DHX57: variants seen among roughly 807,000 people sequenced by gnomAD.
The protein encoded by DHX57 is putative ATP-dependent RNA helicase DHX57.
Under a neutral mutation model 156.2 loss-of-function variants are expected in DHX57, and 105 were observed. The ratio of observed to expected loss-of-function variants is 0.67; its 90% confidence interval spans 0.57 to 0.79. DHX57 has a LOEUF of 0.79. DHX57 is among the 30% of genes least tolerant of loss of function. The probability of loss-of-function intolerance (pLI) is 0.00; values close to 1 mark genes in which losing one functional copy is unlikely to be tolerated. For synonymous variants in DHX57, 704 were observed against 595.6 expected, an observed-to-expected ratio of 1.18 and a Z score of -2.65; for missense variants, 1,847 against 1,661.9, an observed-to-expected ratio of 1.11 and a Z score of -1.94.
Position 38,823,065 on chromosome 2 carries a change from C to A in DHX57, c.3219G>T (p.Leu1073Phe), listed in dbSNP as rs1179029713. 1.2e-6 allele frequency: 2 copies of A among 1,614,036 alleles called. No homozygotes were observed. The highest frequency in any genetic ancestry group is 4.5e-5 in the East Asian group (2 of 44,894). The change falls in exon 17 of 24, where the codon TTG (leucine) becomes TTT (phenylalanine). Residue 1073 changes from leucine to phenylalanine, a missense_variant. Coordinates refer to ENST00000457308, the MANE Select transcript of DHX57 (RefSeq NM_198963.3). ...PVDVRIGKLM[L>F]FGSIFRCLDP... ...CCAAACAGCGGAAGATAGACCCAAACAACATTAGTTTGCCAATTCTCACAT... is the reference window on the plus strand; with the variant it reads ...CCAAACAGCGGAAGATAGACCCAAAAAACATTAGTTTGCCAATTCTCACAT...
chr2:38,831,165 C>G (rs1336611641), intron 13 of DHX57, among the ~76,000 whole-genome samples: 1 of 151,644 alleles, frequency 6.6e-6, no homozygotes, highest in Non-Finnish European at 1.5e-5. Flanking sequence ...ATGAAACATA[C>G]TATTATATAT....
chr2:38,827,964 C>T (rs532741339), intron 14 of DHX57, among the ~76,000 whole-genome samples: 44 of 152,232 alleles, frequency 2.9e-4, no homozygotes, highest in African/African-American at 1.0e-3. Context: ...TCAAGCTATT[C>T]TCCTGCCTCA....
chr2:38,846,042 T>G (rs1034199248), intron 11 of DHX57, among the ~76,000 whole-genome samples: 1 of 151,942 alleles, frequency 6.6e-6, no homozygotes, highest in African/African-American at 2.4e-5. Flanking sequence ...ACTTTTGTAT[T>G]CGTAGTAGAG....
At chr2:38,810,569 A>G (rs1670188092) in intron 21 of DHX57, 1 of 582,504 alleles carries the variant, frequency 1.7e-6, no homozygotes, top group Admixed American at 2.0e-5. Context: ...TCTCCACTGT[A>G]GAGAGACAGT....
At chr2:38,848,970 C>T (rs1389263529) in intron 9 of DHX57, among the ~76,000 whole-genome samples, 2 of 152,058 alleles carry the variant, frequency 1.3e-5, no homozygotes, top group South Asian at 4.2e-4. Flanking sequence ...CCAGGCAGTA[C>T]CAATCAAAAT....
intron 2 of DHX57, among the ~76,000 whole-genome samples, chr2:38,865,525 T>A (rs568502085): frequency 5.3e-5 from 8 of 152,326 alleles, no homozygotes; most frequent in African/African-American, 1.7e-4. Flanking sequence ...CTTGGGTATG[T>A]CCTTATAGCA....
Position 38,800,214 on chromosome 2 carries a change from C to A in DHX57, c.4018-1772G>T, listed in dbSNP as rs557839978. Among the ~76,000 whole-genome samples the A allele has an allele frequency of 1.3e-4, 19 of 148,048 alleles. No individual in the cohort carries two copies. The East Asian group carries it at 3.8e-3, about 29-fold the overall frequency. On this transcript the variant is annotated intron_variant, in intron 23 of 23. Transcript: ENST00000457308. ...AAAAAAAAAAAAAAAAATAGCCGGG[C>A]TTGGTGGTGTACGCCTGCAGTCCCA...
Position 38,826,547 on chromosome 2 carries a change from C to T in DHX57, c.2782G>A (p.Val928Ile), listed in dbSNP as rs750680865. ...TCTTTCATTTTCCCAGAATCGATAA[C>T]ATAGACAACATCATCGATGGTTATG... is the stretch of plus-strand genomic sequence containing the variant. ...TSITIDDVVY[V>I]IDSGKMKEKR... Residue 928 changes from valine (V) to isoleucine (I), a missense_variant, in exon 15 of 24, where the codon GTT (valine) becomes ATT (isoleucine). Transcript: ENST00000457308. The T allele has an allele frequency of 1.2e-6, 2 of 1,614,082 alleles. No individual in the cohort carries two copies. The highest frequency in any genetic ancestry group is 1.7e-5 in the Admixed American group (1 of 60,008).
chr2:38,871,518 A>G (rs1665351617), intron 1 of DHX57, among the ~76,000 whole-genome samples: 1 of 152,198 alleles, frequency 6.6e-6, no homozygotes, highest in Admixed American at 6.5e-5. Context: ...TTCTGCTATA[A>G]CAGAATGCCA....
chr2:38,839,430 G>A (rs1213070708), intron 12 of DHX57, among the ~76,000 whole-genome samples: 2 of 151,672 alleles, frequency 1.3e-5, no homozygotes, highest in Non-Finnish European at 2.9e-5. Flanking sequence ...AAGCAGTTTC[G>A]GCTGGGCGCG....
intron 20 of DHX57, among the ~76,000 whole-genome samples, chr2:38,814,752 C>T (rs950004123): frequency 1.3e-5 from 2 of 150,798 alleles, no homozygotes; most frequent in African/African-American, 2.4e-5. Flanking sequence ...GACAGAGTTT[C>T]GCTCTTGCTG....
At chr2:38,859,925 A>G (rs1267239369) in intron 5 of DHX57, among the ~76,000 whole-genome samples, 1 of 151,360 alleles carries the variant, frequency 6.6e-6, no homozygotes, top group East Asian at 1.9e-4. Flanking sequence ...ATTCCCCCAC[A>G]TCAGCCTCTT....
At chr2:38,828,050 T>G (rs1671192128) in intron 14 of DHX57, among the ~76,000 whole-genome samples, 3 of 152,128 alleles carry the variant, frequency 2.0e-5, no homozygotes, top group Admixed American at 2.0e-4. Flanking sequence ...GAGATGAGGT[T>G]TCTCCACGTT....
chr2:38,868,486 G>C, intron 1 of DHX57, 75 bp from the exon 2 acceptor site: 1 of 1,406,650 alleles, frequency 7.1e-7, no homozygotes, highest in Non-Finnish European at 9.8e-7. Context: ...CCAAACTTAT[G>C]AATATAGGCT....
intron 12 of DHX57, among the ~76,000 whole-genome samples, 189 bp from the exon 13 acceptor site, chr2:38,838,136 T>A (rs1671781244): frequency 6.6e-6 from 1 of 152,180 alleles, no homozygotes. Context: ...TCTTGCTCTG[T>A]CACCCAGGCT....
chr2:38,837,856 C>T lies in DHX57; in HGVS notation c.2517G>A (p.Val839=). 1.2e-6 allele frequency: 2 copies of T among 1,610,476 alleles called. No individual in the cohort carries two copies. The highest frequency in any genetic ancestry group is 1.7e-6 in the Non-Finnish European group (2 of 1,176,856). ...CTGGAGGGTAGGAGTGCTTTCCATCCACAATCCACTCTAATAAGGCCTCTA... is the reference window on the plus strand; with the variant it reads ...CTGGAGGGTAGGAGTGCTTTCCATCTACAATCCACTCTAATAAGGCCTCTA... ...ELIEALLEWI[V]DGKHSYPPGA... Residue 839 remains valine (V), a synonymous_variant, in exon 13 of 24, where the codon GTG becomes GTA. Coordinates refer to ENST00000457308, the MANE Select transcript of DHX57 (RefSeq NM_198963.3).
At chr2:38,807,646 T>C (rs1033206683) in intron 21 of DHX57, among the ~76,000 whole-genome samples, 13 of 151,518 alleles carry the variant, frequency 8.6e-5, no homozygotes, top group African/African-American at 2.9e-4. Context: ...TGTGAGCCAC[T>C]GCGCCCGGCC....
Position 38,861,126 on chromosome 2 carries a change from G to A in DHX57, c.1284C>T (p.Thr428=). ...ESEIVKLLTN[T]HHKYSDPPVN... ...CAGGAGGGTCACTATACTTGTGGTG[G>A]GTATTCGTTAGTAACTTGACTATTT... The change falls in exon 5 of 24, where the codon ACC becomes ACT. Residue 428 remains threonine (T), a synonymous_variant. Coordinates refer to ENST00000457308, the MANE Select transcript of DHX57 (RefSeq NM_198963.3). 1 of 1,614,174 alleles carries A rather than the reference G, an allele frequency of 6.2e-7. No individual in the cohort carries two copies. Among genetic ancestry groups the A allele is most frequent in the Non-Finnish European group, 8.5e-7 (1 of 1,180,026 alleles).
At chr2:38,815,768 C>G in intron 19 of DHX57, 113 bp from the exon 20 acceptor site, 1 of 1,278,776 alleles carries the variant, frequency 7.8e-7, no homozygotes, top group Admixed American at 2.1e-5. Context: ...CAATGAGGCT[C>G]AAGTGGATTC....
Sources: allele counts gnomAD v4.1 joint callset (sites outside exome capture counted in the v4.1 genomes callset), GRCh38; gene constraint gnomAD v4.1.1; transcripts MANE v1.5; gene names NCBI Gene and HGNC (gene_info 2026-07-23, HGNC 2026-07-21).